Variants in POC1B observed in about 807,000 individuals in gnomAD.
The protein encoded by POC1B is POC1 centriolar protein B.
A neutral mutation model predicts 60.6 loss-of-function variants in POC1B; 44 were observed. That is an observed-to-expected ratio of 0.73 (90% confidence interval 0.57 to 0.93). The LOEUF is 0.93. Among genes scored for constraint, POC1B ranks in the 40% least tolerant of loss-of-function variants. The pLI is 0.00. For missense variants in POC1B, 555 were observed against 572.3 expected, an observed-to-expected ratio of 0.97 and a Z score of 0.31; for synonymous variants, 180 against 198.9, an observed-to-expected ratio of 0.90 and a Z score of 0.80.
chr12:89,429,550 G>A (rs1293706470), intron 10 of POC1B: 2 of 152,308 alleles, frequency 1.3e-5, no homozygotes, highest in East Asian at 3.9e-4. Flanking sequence ...CTATTTCAAA[G>A]GTGCTAATAT....
At chr12:89,507,307 A>T (rs1271650715) in intron 2 of POC1B, among the ~76,000 whole-genome samples, 2 of 150,210 alleles carry the variant, frequency 1.3e-5, no homozygotes, top group Non-Finnish European at 3.0e-5. Context: ...GAAAACCAAC[A>T]TTGAATTTCC....
intron 11 of POC1B, among the ~76,000 whole-genome samples, chr12:89,424,570 A>G (rs537690549): frequency 6.6e-6 from 1 of 152,354 alleles, no homozygotes; most frequent in East Asian, 1.9e-4. Flanking sequence ...CAAAGGGAAC[A>G]ATGAATCAAC....
At chr12:89,502,502 A>C in intron 2 of POC1B, 1 of 1,075,250 alleles carries the variant, frequency 9.3e-7, no homozygotes, top group East Asian at 2.5e-5. Flanking sequence ...TAATAAGAAA[A>C]GGATCTGTCT....
downstream of POC1B, among the ~76,000 whole-genome samples, chr12:89,418,547 A>C (rs903652738): frequency 1.3e-5 from 2 of 152,108 alleles, no homozygotes; most frequent in Non-Finnish European, 2.9e-5. Flanking sequence ...TCTCATGTTG[A>C]AATCTGATCC....
intron 2 of POC1B, among the ~76,000 whole-genome samples, chr12:89,499,266 C>T (rs1383380627): frequency 1.3e-5 from 2 of 152,072 alleles, no homozygotes; most frequent in African/African-American, 2.4e-5. Context: ...AACCAAATAC[C>T]GTATGTTCTC....
In POC1B at chr12:89,525,124, T is replaced by C. The variant is rs1292571370; in HGVS notation, c.96A>G (p.Gln32=). The change falls in exon 2 of 12, where the codon CAA becomes CAG. Residue 32 remains glutamine (Q), a synonymous_variant. Coordinates refer to ENST00000313546, the MANE Select transcript of POC1B (RefSeq NM_172240.3). Reference sequence around the variant, plus strand: ...CAAAACAAGAATAAGACTTACCAAGTTGCTTGCCGTTGGGGCTGAGGTCCA... The same window carrying C: ...CAAAACAAGAATAAGACTTACCAAGCTGCTTGCCGTTGGGGCTGAGGTCCA... ...TSLDLSPNGK[Q]LATASWDTFL... is the part of the protein sequence containing the mutation. 2 of 1,613,888 alleles carry C rather than the reference T, an allele frequency of 1.2e-6. No individual in the cohort carries two copies. Among genetic ancestry groups the C allele is most frequent in the Admixed American group, 1.7e-5 (1 of 60,006 alleles).
chr12:89,500,601 C>T (rs935920316), intron 2 of POC1B: 17 of 1,598,538 alleles, frequency 1.1e-5, no homozygotes, highest in Admixed American at 8.3e-5. Flanking sequence ...ACATCTGTAT[C>T]GCAAAATGTT....
the POC1B span, among the ~76,000 whole-genome samples, chr12:89,404,492 C>T: frequency 3.9e-5 from 6 of 152,156 alleles, no homozygotes; most frequent in African/African-American, 1.4e-4. Flanking sequence ...TGAAAAATAG[C>T]CAAGTCATGT....
intron 4 of POC1B, among the ~76,000 whole-genome samples, chr12:89,484,166 A>G (rs11105299): frequency 0.19 from 29,209 of 152,204 alleles, 3,239 homozygotes; most frequent in South Asian, 0.36. Flanking sequence ...AAAATAGATG[A>G]GTAGAATACT....
chr12:89,517,601 C>T (rs937564178), intron 2 of POC1B, among the ~76,000 whole-genome samples: 8 of 151,964 alleles, frequency 5.3e-5, no homozygotes, highest in Non-Finnish European at 8.8e-5. Flanking sequence ...CCACTGCACT[C>T]CAGCCTGGGC....
intron 2 of POC1B, chr12:89,499,968 A>C (rs539446980): frequency 1.5e-6 from 1 of 687,002 alleles, no homozygotes; most frequent in East Asian, 2.7e-5. Context: ...ATCGCCTTCG[A>C]CTTAAGGGTG....
At chr12:89,417,288 ATAT>A (rs1199593414), downstream of POC1B, among the ~76,000 whole-genome samples, 1 of 152,206 alleles carries the variant, frequency 6.6e-6, no homozygotes, top group Non-Finnish European at 1.5e-5. Context: ...GTAAGTGGTC[ATAT>A]CCTAGGAAGA....
At chr12:89,514,588 A>G (rs1870360185) in intron 2 of POC1B, among the ~76,000 whole-genome samples, 1 of 151,232 alleles carries the variant, frequency 6.6e-6, no homozygotes, top group African/African-American at 2.4e-5. Context: ...TTTTATTTTT[A>G]GTAGAGACGG....
chr12:89,499,117 T>A (rs962679694), intron 2 of POC1B, among the ~76,000 whole-genome samples: 2 of 151,936 alleles, frequency 1.3e-5, no homozygotes, highest in Non-Finnish European at 2.9e-5. Context: ...GTTTCCATAG[T>A]AGACAGGAGA....
intron 10 of POC1B, among the ~76,000 whole-genome samples, chr12:89,442,336 T>C (rs1592589278): frequency 6.6e-6 from 1 of 151,788 alleles, no homozygotes; most frequent in East Asian, 1.9e-4. Context: ...AAGGAAAAAA[T>C]GTTAAGGGCA....
chr12:89,438,452 G>A (rs1339512004), intron 10 of POC1B, among the ~76,000 whole-genome samples: 1 of 152,184 alleles, frequency 6.6e-6, no homozygotes. Flanking sequence ...GCGAGACTCC[G>A]TCTCAAAAAC....
rs375709415 is a variant in POC1B, at chr12:89,522,881, G to C, written c.100+2239C>G. 3.7e-6 allele frequency: 6 copies of C among 1,611,912 alleles called. No individual in the cohort carries two copies. The South Asian group carries it at 4.4e-5, about 12-fold the overall frequency. Reference sequence around the variant, plus strand: ...CAAGTTCTCATTTGTACATCAGGTCGGCCCTCCGGTGTCCGATAAGCACTA... The same window carrying C: ...CAAGTTCTCATTTGTACATCAGGTCCGCCCTCCGGTGTCCGATAAGCACTA... On this transcript the variant is annotated intron_variant, in intron 2 of 11. Coordinates refer to ENST00000313546, the MANE Select transcript of POC1B (RefSeq NM_172240.3).
At position 89,420,149 on chromosome 12, in the gene POC1B, G is replaced by T. The variant is rs1880469245; in HGVS notation, c.*1004C>A. On this transcript the variant is annotated 3_prime_UTR_variant, in exon 12 of 12. Transcript: ENST00000313546. ...TTTTCTTCAATTTAATCTCAATTTG[G>T]TTTAAAATAAAGCAAAATTCTTAAT... 2 of 151,984 alleles carry T rather than the reference G, an allele frequency of 1.3e-5. No homozygotes were observed. Among genetic ancestry groups the T allele is most frequent in the South Asian group, 4.2e-4 (2 of 4,818 alleles). 9.4% of individuals were successfully genotyped at this position (151,984 alleles called of 1,614,324 possible).
chr12:89,513,805 T>G (rs1008822460), intron 2 of POC1B, among the ~76,000 whole-genome samples: 2 of 152,142 alleles, frequency 1.3e-5, no homozygotes, highest in Non-Finnish European at 2.9e-5. Flanking sequence ...CGGCATTAGA[T>G]TCTCATAGGA....
Sources: allele counts gnomAD v4.1 joint callset (sites outside exome capture counted in the v4.1 genomes callset), GRCh38; gene constraint gnomAD v4.1.1; transcripts MANE v1.5; gene names NCBI Gene and HGNC (gene_info 2026-07-23, HGNC 2026-07-21).